LCORL: variants seen among roughly 807,000 people sequenced by gnomAD.
LCORL encodes the protein ligand-dependent nuclear receptor corepressor-like protein.
LCORL carries 41 observed loss-of-function variants against 141.8 expected under a neutral mutation model. That is an observed-to-expected ratio of 0.29 (90% CI 0.23 to 0.38). The LOEUF is 0.38. LCORL is among the 10% of genes least tolerant of loss of function. The pLI is 1.00. For missense variants in LCORL, 1,759 were observed against 2,035.0 expected, an observed-to-expected ratio of 0.86 and a Z score of 2.61; for synonymous variants, 618 against 694.1, an observed-to-expected ratio of 0.89 and a Z score of 1.72.
At chr4:17,864,150 G>A (rs1459504883) in intron 7 of LCORL, among the ~76,000 whole-genome samples, 3 of 152,060 alleles carry the variant, frequency 2.0e-5, no homozygotes, top group Non-Finnish European at 4.4e-5. Flanking sequence ...AAAATTTTTG[G>A]CTACCCATGA....
chr4:17,964,230 A>G (rs1359146543), intron 2 of LCORL, among the ~76,000 whole-genome samples: 1 of 152,134 alleles, frequency 6.6e-6, no homozygotes, highest in African/African-American at 2.4e-5. Context: ...GGGTAATGGA[A>G]AGATAACTAG....
At chr4:17,885,122 G>A (rs1728098686) in intron 6 of LCORL, among the ~76,000 whole-genome samples, 1 of 151,760 alleles carries the variant, frequency 6.6e-6, no homozygotes. Flanking sequence ...AATCCTAAAG[G>A]AGTTTTTGTT....
At chr4:18,001,173 A>T (rs1721892671) in intron 1 of LCORL, among the ~76,000 whole-genome samples, 2 of 152,224 alleles carry the variant, frequency 1.3e-5, no homozygotes, top group African/African-American at 4.8e-5. Flanking sequence ...CCTGTCTCAT[A>T]AACAAACAAA....
At chr4:18,013,768 A>C (rs1724179642) in intron 1 of LCORL, among the ~76,000 whole-genome samples, 1 of 152,156 alleles carries the variant, frequency 6.6e-6, no homozygotes, top group Non-Finnish European at 1.5e-5. Context: ...AAAGCTCTTA[A>C]ATTTGCTTTT....
chr4:17,870,353 G>A (rs1726198883), intron 7 of LCORL, among the ~76,000 whole-genome samples: 1 of 152,004 alleles, frequency 6.6e-6, no homozygotes, highest in African/African-American at 2.4e-5. Flanking sequence ...TTTCCACATC[G>A]TTTGCAACTG....
intron 4 of LCORL, among the ~76,000 whole-genome samples, chr4:17,940,968 T>A (rs1737850099): frequency 6.6e-6 from 1 of 152,206 alleles, no homozygotes; most frequent in South Asian, 2.1e-4. Context: ...TCACTTCTTG[T>A]AACTGTGAGG....
intron 1 of LCORL, among the ~76,000 whole-genome samples, chr4:17,997,619 T>A (rs558634322): frequency 3.2e-4 from 49 of 152,264 alleles, no homozygotes; most frequent in African/African-American, 1.1e-3. Context: ...AAATTTTTTT[T>A]AAAGTTTTAT....
rs1374074246 is a variant in LCORL at position 18,021,704 on chromosome 4, G to C, written c.48C>G (p.Ala16=). The C allele has an allele frequency of 1.3e-6, 2 of 1,525,026 alleles. No homozygotes were observed. 94.5% of individuals were successfully genotyped at this position (1,525,026 alleles called of 1,614,324 possible). A position where few individuals can be genotyped will look rare whatever the true frequency, so the allele number is the denominator to read the frequency against. Residue 16 remains alanine (A), a synonymous_variant, in exon 1 of 8, where the codon GCC becomes GCG. Transcript: ENST00000635767. The surrounding 1 kb of genome is among the most constrained non-coding windows in gnomAD (Gnocchi z 5.5). ...GGCACTGAGCGGCGGCGGCGGCGGC[G>C]GCAGCAGCGGCGGCGGCAGCGGCCA...
exon 7 of LCORL, chr4:17,877,640 T>C: frequency 8.1e-7 from 1 of 1,230,616 alleles, no homozygotes; most frequent in Non-Finnish European, 1.0e-6. Context: ...ATTTTTCAAA[T>C]CCTTCAGTTT....
chr4:17,928,068 G>A (rs945985069), intron 4 of LCORL, among the ~76,000 whole-genome samples: 1 of 152,154 alleles, frequency 6.6e-6, no homozygotes, highest in African/African-American at 2.4e-5. Context: ...CCACGAACAA[G>A]AAGGATTTAT....
chr4:17,915,903 T>C (rs75206657), intron 4 of LCORL, among the ~76,000 whole-genome samples: 4,484 of 152,332 alleles, frequency 0.029, 96 homozygotes, highest in African/African-American at 0.055. Flanking sequence ...ATTCTGAATG[T>C]TGAAGTTGGG....
chr4:17,905,490 T>C (rs761643745), intron 5 of LCORL, among the ~76,000 whole-genome samples: 1 of 152,146 alleles, frequency 6.6e-6, no homozygotes, highest in Non-Finnish European at 1.5e-5. Flanking sequence ...TATTTCTTTC[T>C]TTTGCTATCT....
intron 1 of LCORL, among the ~76,000 whole-genome samples, chr4:17,983,752 GCTTT>G (rs1718436261): frequency 1.3e-5 from 2 of 151,960 alleles, no homozygotes; most frequent in Non-Finnish European, 2.9e-5. Context: ...ATTTGGATGT[GCTTT>G]ATTTCTTTCT....
chr4:17,885,798 C>T (rs977144186), intron 6 of LCORL, among the ~76,000 whole-genome samples: 1 of 151,816 alleles, frequency 6.6e-6, no homozygotes, highest in African/African-American at 2.4e-5. Context: ...TCTTACTCGT[C>T]CTGCTTCTTA....
chr4:18,018,349 C>A (rs978657157), intron 1 of LCORL, among the ~76,000 whole-genome samples: 1 of 152,092 alleles, frequency 6.6e-6, no homozygotes, highest in South Asian at 2.1e-4. Context: ...AAAACTATAA[C>A]ACAGTACAGT....
chr4:17,884,636 C>G lies in LCORL; in HGVS notation c.776+1432G>C. On this transcript the variant is annotated intron_variant, in intron 6 of 7. Transcript: ENST00000635767. This position sits in a 1 kb window ranked among gnomAD's most constrained non-coding sequence, Gnocchi z 4.4. ...TTTTTGAGGTATGCCATAAAGTATG[C>G]CTGCTTTATTTATGTCCAGTGCTCC... 1 of 1,547,674 alleles carries G rather than the reference C, an allele frequency of 6.5e-7. No homozygotes were observed. Among genetic ancestry groups the G allele is most frequent in the Non-Finnish European group, 8.7e-7 (1 of 1,145,348 alleles).
intron 2 of LCORL, among the ~76,000 whole-genome samples, chr4:17,964,014 A>G (rs1448941192): frequency 6.6e-6 from 1 of 152,086 alleles, no homozygotes; most frequent in Non-Finnish European, 1.5e-5. Flanking sequence ...TTTTTTTGAA[A>G]TGCTAATGAA....
intron 7 of LCORL, among the ~76,000 whole-genome samples, chr4:17,850,229 T>C (rs1577237960): frequency 7.0e-6 from 1 of 143,646 alleles, no homozygotes; most frequent in Non-Finnish European, 1.5e-5. Flanking sequence ...GGGCAAGGAC[T>C]TCATGTCTAA....
intron 4 of LCORL, among the ~76,000 whole-genome samples, chr4:17,919,624 T>C (rs186111184): frequency 7.2e-4 from 110 of 152,340 alleles, no homozygotes; most frequent in African/African-American, 2.5e-3. Context: ...TCTAAAGAAG[T>C]ACCCATATCT....
Sources: gnomAD v4.1 joint callset for allele counts (sites outside exome capture counted in the v4.1 genomes callset) on GRCh38, gnomAD v4.1.1 for gene constraint, Gnocchi (gnomAD v3.1) non-coding constraint, MANE v1.5 for transcripts, NCBI Gene and HGNC (gene_info 2026-07-23, HGNC 2026-07-21) for gene names.